SEPTIN6: variants seen among roughly 807,000 people sequenced by gnomAD.
SEPTIN6 encodes septin-6.
SEPTIN6 carries 8 observed loss-of-function variants against 33.6 expected under a neutral mutation model. The observed-to-expected ratio is 0.24, with a 90% CI of 0.14 to 0.43. The LOEUF (loss-of-function observed/expected upper bound fraction) is 0.43, where lower values mean the gene tolerates loss of function less well. Among genes scored for constraint, SEPTIN6 ranks in the 20% least tolerant of loss-of-function variants. The pLI is 1.00. For missense variants in SEPTIN6, 250 were observed against 340.8 expected (o/e 0.73, Z 2.10); for synonymous variants, 131 against 140.0 (o/e 0.94, Z 0.45).
Position 119,683,750 on chromosome X carries a change from T to C in SEPTIN6, c.31-8082A>G, listed in dbSNP as rs780439413. On this transcript the variant is annotated intron_variant, in intron 1 of 10. Transcript: ENST00000394610. ...GAAAATGTTACTTTTTTAAAAAAGA[T>C]TCTATGATGATACTTTCCTGGGTAG... Among the ~76,000 whole-genome samples the C allele has an allele frequency of 9.0e-5, 10 of 111,506 alleles. No homozygotes were observed. The South Asian group carries it at 3.7e-3, about 41-fold the overall frequency.
chrX:119,678,733 G>A lies in SEPTIN6; in HGVS notation c.31-3065C>T, dbSNP rs1231502208. Among the ~76,000 whole-genome samples the A allele has an allele frequency of 4.5e-5, 5 of 110,392 alleles. No individual in the cohort carries two copies. In the South Asian group the frequency reaches 1.1e-3, roughly 25 times the overall value. On this transcript the variant is annotated intron_variant, in intron 1 of 10. Coordinates refer to ENST00000394610, the MANE Select transcript of SEPTIN6 (RefSeq NM_145799.4). ...ATGAGAACTGATATGCTTTCTTTACGGAGCCTCCGATGTAGCAGGCATCGG... is the reference window on the plus strand; with the variant it reads ...ATGAGAACTGATATGCTTTCTTTACAGAGCCTCCGATGTAGCAGGCATCGG...
At position 119,625,352 on chromosome X, in the gene SEPTIN6, T is replaced by C; in HGVS notation, c.*24A>G. 4 of 1,206,209 alleles carry C rather than the reference T, an allele frequency of 3.3e-6. No homozygotes were observed. Among genetic ancestry groups the C allele is most frequent in the Non-Finnish European group, 4.5e-6 (4 of 890,693 alleles). ...AAGCTTACCAGGACCCTGGGTCTCA[T>C]GCAGCATGCAGCAAACAGCAGAGTT... On this transcript the variant is annotated 3_prime_UTR_variant, in exon 10 of 11. Transcript: ENST00000394610.
At chrX:119,664,466 G>A (rs2054600568) in intron 2 of SEPTIN6, among the ~76,000 whole-genome samples, 1 of 110,913 alleles carries the variant, frequency 9.0e-6, no homozygotes, top group African/African-American at 3.3e-5. Flanking sequence ...TATTTCCCAA[G>A]TTTTCTAAGT....
intron 2 of SEPTIN6, among the ~76,000 whole-genome samples, chrX:119,667,535 G>A (rs776880542): frequency 9.9e-5 from 11 of 111,583 alleles, no homozygotes; most frequent in African/African-American, 3.2e-4. Context: ...AAAATCAAGC[G>A]AGCTCATCCT....
In SEPTIN6 at chrX:119,658,020, G is replaced by C. The variant is rs182501866; in HGVS notation, c.342-4980C>G. ...TGGGCGCCTGTAGTCCCAGCTACTC[G>C]GGCGGCTGAGGCAGGAGAATGGCGT... On this transcript the variant is annotated intron_variant, in intron 3 of 10. Coordinates refer to ENST00000394610, the MANE Select transcript of SEPTIN6 (RefSeq NM_145799.4). 2.0e-3 allele frequency among the ~76,000 whole-genome samples: 220 copies of C among 111,212 alleles called. 3 individuals are homozygous for C. The East Asian group carries it at 0.056, about 28-fold the overall frequency.
At position 119,618,774 on chromosome X, in the gene SEPTIN6, C is replaced by T. The variant is rs773902289; in HGVS notation, c.*1319G>A. 3 of 1,210,570 alleles carry T rather than the reference C, an allele frequency of 2.5e-6. No individual in the cohort carries two copies. The East Asian group carries it at 8.9e-5, about 36-fold the overall frequency. On this transcript the variant is annotated 3_prime_UTR_variant, in exon 11 of 11. Transcript: ENST00000394610. ...GTAGCGGGGAATACTATTCAGTACA[C>T]AGCCATGGATTACTGCAAAGGAAGG...
At chrX:119,693,036 G>A in intron 1 of SEPTIN6, 40 bp downstream of exon 1, 5 of 1,160,432 alleles carry the variant, frequency 4.3e-6, no homozygotes, top group Non-Finnish European at 5.8e-6. Context: ...CCCTCACCAG[G>A]CCCTCGGCCC....
At chrX:119,685,527 C>A (rs900663797) in intron 1 of SEPTIN6, among the ~76,000 whole-genome samples, 2 of 111,661 alleles carry the variant, frequency 1.8e-5, no homozygotes, top group Non-Finnish European at 3.8e-5. Flanking sequence ...CCTAATCCAG[C>A]CCTTTCGTTT....
At chrX:119,661,895 AC>A (rs1393008570) in intron 3 of SEPTIN6, among the ~76,000 whole-genome samples, 1 of 111,526 alleles carries the variant, frequency 9.0e-6, no homozygotes, top group African/African-American at 3.3e-5. Flanking sequence ...CCGCCATCAC[AC>A]CCGCCTAATT....
intron 7 of SEPTIN6, among the ~76,000 whole-genome samples, chrX:119,636,668 G>A (rs1030121213): frequency 2.7e-5 from 3 of 111,815 alleles, no homozygotes; most frequent in African/African-American, 6.5e-5. Context: ...CTGCCACCTC[G>A]TGGAACAGGG....
intron 2 of SEPTIN6, among the ~76,000 whole-genome samples, chrX:119,664,351 G>A (rs1170683482): frequency 9.0e-6 from 1 of 111,327 alleles, no homozygotes; most frequent in East Asian, 2.8e-4. Flanking sequence ...ATATAGCTAT[G>A]CCTAGAAAAA....
At position 119,618,808 on chromosome X, in the gene SEPTIN6, AC is replaced by A. The variant is rs2053704633; in HGVS notation, c.*1284del. 8.3e-7 allele frequency: 1 copy of A among 1,208,071 alleles called. No homozygotes were observed. The highest frequency in any genetic ancestry group is 2.2e-5 in the Admixed American group (1 of 45,599). On this transcript the variant is annotated 3_prime_UTR_variant, in exon 11 of 11. Transcript: ENST00000394610. ...ATTACTGCAAAGGAAGGGCAGAGAGACGGCATGTTAGCCACAGATCATTGCC... is the reference window on the plus strand; with the variant it reads ...ATTACTGCAAAGGAAGGGCAGAGAGAGGCATGTTAGCCACAGATCATTGCC...
intron 10 of SEPTIN6, among the ~76,000 whole-genome samples, chrX:119,625,120 A>G (rs1414090749): frequency 4.5e-5 from 5 of 111,294 alleles, no homozygotes; most frequent in Non-Finnish European, 9.4e-5. Context: ...TCTGAAAACG[A>G]CCCCTCACTT....
At chrX:119,662,669 C>T (rs1420581927) in intron 3 of SEPTIN6, among the ~76,000 whole-genome samples, 1 of 112,295 alleles carries the variant, frequency 8.9e-6, no homozygotes, top group African/African-American at 3.2e-5. Flanking sequence ...AGGGGCAGAA[C>T]CAGGTTTTTC....
At chrX:119,626,872 A>T (rs1168938762) in intron 9 of SEPTIN6, among the ~76,000 whole-genome samples, 1 of 110,499 alleles carries the variant, frequency 9.0e-6, no homozygotes, top group African/African-American at 3.3e-5. Context: ...TTTTTAGTAG[A>T]GACGGGGTTT....
chrX:119,653,840 C>T (rs1413837364), intron 3 of SEPTIN6, among the ~76,000 whole-genome samples: 2 of 111,623 alleles, frequency 1.8e-5, no homozygotes, highest in Non-Finnish European at 3.8e-5. Flanking sequence ...GAGGCTGAGA[C>T]GGGCGGATCT....
chrX:119,646,577 C>G (rs1407165314), intron 5 of SEPTIN6, among the ~76,000 whole-genome samples: 1 of 111,461 alleles, frequency 9.0e-6, no homozygotes. Context: ...TCTTCCCCCT[C>G]AATCTACAAT....
chrX:119,630,114 C>T (rs186934391), intron 8 of SEPTIN6, among the ~76,000 whole-genome samples: 5 of 111,482 alleles, frequency 4.5e-5, no homozygotes, highest in Non-Finnish European at 9.4e-5. Flanking sequence ...AGGAAGACTC[C>T]GTCTCAAAAA....
intron 7 of SEPTIN6, 109 bp from the exon 8 acceptor site, chrX:119,633,601 G>A (rs2054005424): frequency 1.0e-6 from 1 of 995,106 alleles, no homozygotes; most frequent in Non-Finnish European, 1.3e-6. Context: ...CCCCAGTTGT[G>A]AGCCAGGTAC....
Sources: allele counts gnomAD v4.1 joint callset (sites outside exome capture counted in the v4.1 genomes callset), GRCh38; gene constraint gnomAD v4.1.1; transcripts MANE v1.5; gene names NCBI Gene and HGNC (gene_info 2026-07-23, HGNC 2026-07-21).